Variants in COL23A1 observed in about 807,000 individuals in gnomAD.
COL23A1 encodes the protein collagen type XXIII alpha 1 chain, also known as collagen alpha-1(XXIII) chain.
COL23A1 carries 97 observed loss-of-function variants against 99.3 expected under a neutral mutation model. That is an observed-to-expected ratio of 0.98 (90% CI 0.83 to 1.16). The LOEUF (loss-of-function observed/expected upper bound fraction) is 1.16, where lower values mean the gene tolerates loss of function less well. COL23A1 is among the 50% of genes most tolerant of loss of function. COL23A1 has a pLI of 0.00. For synonymous variants in COL23A1, 320 were observed against 308.2 expected (o/e 1.04, Z -0.40); for missense variants, 762 against 757.4 (o/e 1.01, Z -0.07).
rs986660752 is a variant in COL23A1 at position 178,340,618 on chromosome 5, C to A, written c.362-33699G>T. On this transcript the variant is annotated intron_variant, in intron 2 of 28. Coordinates refer to ENST00000390654, the MANE Select transcript of COL23A1 (RefSeq NM_173465.4). The surrounding 1 kb of genome is among the most constrained non-coding windows in gnomAD (Gnocchi z 4.7). ...TGGCCTGAAGTTCTCTCAGGAGAAG[C>A]TGATGGTCCCAGAGCACACAGGGAA... 6.6e-5 allele frequency among the ~76,000 whole-genome samples: 10 copies of A among 152,218 alleles called. No individual in the cohort carries two copies. The highest frequency in any genetic ancestry group is 1.2e-4 in the Non-Finnish European group (8 of 68,040).
chr5:178,432,303 G>C (rs73336661), intron 2 of COL23A1, among the ~76,000 whole-genome samples: 1 of 152,200 alleles, frequency 6.6e-6, no homozygotes, highest in Admixed American at 6.5e-5. Flanking sequence ...CAGACGGCTC[G>C]TTACACAGGT....
chr5:178,251,468 T>G (rs149481292), intron 17 of COL23A1, among the ~76,000 whole-genome samples: 12 of 152,320 alleles, frequency 7.9e-5, no homozygotes, highest in African/African-American at 2.9e-4. Context: ...AATCCATGAA[T>G]AAATCAAAAG....
intron 19 of COL23A1, among the ~76,000 whole-genome samples, chr5:178,248,517 G>A (rs1204265016): frequency 2.6e-5 from 4 of 152,308 alleles, no homozygotes; most frequent in Non-Finnish European, 5.9e-5. Flanking sequence ...CAAAGACCCC[G>A]GGGTCAAACC....
chr5:178,468,300 G>C lies in COL23A1; in HGVS notation c.361+92382C>G, dbSNP rs984642673. ...GAAGATCGGGAAGGTCTAAATCCAAGCTCATTAATAGGCCAGAGGGTGAGA... is the reference window on the plus strand; with the variant it reads ...GAAGATCGGGAAGGTCTAAATCCAACCTCATTAATAGGCCAGAGGGTGAGA... On this transcript the variant is annotated intron_variant, in intron 2 of 28. Transcript: ENST00000390654. The surrounding 1 kb of genome is among the most constrained non-coding windows in gnomAD (Gnocchi z 4.2). Among the ~76,000 whole-genome samples, 23 of 151,936 alleles carry C rather than the reference G, an allele frequency of 1.5e-4. No homozygotes were observed. The highest frequency in any genetic ancestry group is 5.6e-4 in the African/African-American group (23 of 41,302).
chr5:178,456,509 A>G (rs1285206559), intron 2 of COL23A1, among the ~76,000 whole-genome samples: 1 of 152,082 alleles, frequency 6.6e-6, no homozygotes, highest in African/African-American at 2.4e-5. Context: ...GACCAGCCTG[A>G]CCAACATGCA....
intron 2 of COL23A1, among the ~76,000 whole-genome samples, chr5:178,353,273 A>G (rs956984864): frequency 2.0e-5 from 3 of 152,200 alleles, no homozygotes; most frequent in African/African-American, 4.8e-5. Context: ...AAAAGCTATA[A>G]ATTTCTTTTA....
chr5:178,500,551 G>C (rs1213042043), intron 2 of COL23A1, among the ~76,000 whole-genome samples: 5 of 150,884 alleles, frequency 3.3e-5, no homozygotes, highest in Non-Finnish European at 7.4e-5. Context: ...GTAGTAGTGA[G>C]CCATGATTGC....
chr5:178,387,929 A>T lies in COL23A1; in HGVS notation c.362-81010T>A, dbSNP rs1205596297. Among the ~76,000 whole-genome samples, 1 of 152,130 alleles carries T rather than the reference A, an allele frequency of 6.6e-6. No individual in the cohort carries two copies. The highest frequency in any genetic ancestry group is 2.4e-5 in the African/African-American group (1 of 41,408). ...GTGGCAGCTGTGGTGGCACTGCAAG[A>T]ACTGCCAGTGAAGGACAGAAATGGG... is the stretch of plus-strand genomic sequence containing the variant. On this transcript the variant is annotated intron_variant, in intron 2 of 28. Coordinates refer to ENST00000390654, the MANE Select transcript of COL23A1 (RefSeq NM_173465.4). The surrounding 1 kb of genome is among the most constrained non-coding windows in gnomAD (Gnocchi z 4.7).
intron 2 of COL23A1, among the ~76,000 whole-genome samples, chr5:178,404,934 T>A (rs1764673898): frequency 6.6e-6 from 1 of 152,248 alleles, no homozygotes. Context: ...GATTTTGCTT[T>A]AACTTATAAT....
chr5:178,481,454 A>G (rs1004054505), intron 2 of COL23A1, among the ~76,000 whole-genome samples: 2 of 152,190 alleles, frequency 1.3e-5, no homozygotes, highest in Non-Finnish European at 2.9e-5. Flanking sequence ...AGAATTTGCA[A>G]GTCATATATC....
chr5:178,371,824 G>A (rs1762815712), intron 2 of COL23A1, among the ~76,000 whole-genome samples: 1 of 152,220 alleles, frequency 6.6e-6, no homozygotes, highest in Admixed American at 6.5e-5. Context: ...TGAATCTGAG[G>A]GCGGAAATGT....
chr5:178,562,052 T>C (rs1762588168), intron 1 of COL23A1: 1 of 531,872 alleles, frequency 1.9e-6, no homozygotes, highest in South Asian at 1.5e-5. Context: ...CTGGAGTTGG[T>C]TCCTGCCGGT....
At position 178,560,752 on chromosome 5, in the gene COL23A1, A is replaced by G; in HGVS notation, c.295-4T>C. On this transcript the variant is annotated splice_region_variant and splice_polypyrimidine_tract_variant and intron_variant, in intron 1 of 28. Transcript: ENST00000390654. ...TCTTCGCTAGTCCGTCCAACTTCTG[A>G]GCCGGAAAAAAAAAAAGAAAAAAAA... The G allele has an allele frequency of 6.2e-7, 1 of 1,603,920 alleles. No individual in the cohort carries two copies. Among genetic ancestry groups the G allele is most frequent in the Non-Finnish European group, 8.5e-7 (1 of 1,176,008 alleles).
At chr5:178,538,416 T>A (rs986130008) in intron 2 of COL23A1, among the ~76,000 whole-genome samples, 1 of 152,250 alleles carries the variant, frequency 6.6e-6, no homozygotes, top group Non-Finnish European at 1.5e-5. Flanking sequence ...TAAAAGTACT[T>A]GCCCATTTTA....
At chr5:178,583,047 C>T (rs1763743500) in intron 1 of COL23A1, among the ~76,000 whole-genome samples, 1 of 152,244 alleles carries the variant, frequency 6.6e-6, no homozygotes, top group South Asian at 2.1e-4. Context: ...ACATTTCTCC[C>T]CCTGTAAAAC....
At chr5:178,578,114 C>T (rs1562107391) in intron 1 of COL23A1, among the ~76,000 whole-genome samples, 1 of 145,960 alleles carries the variant, frequency 6.9e-6, no homozygotes, top group African/African-American at 2.7e-5. Context: ...CACATGCACA[C>T]ATTCATGCAC....
At chr5:178,584,285 C>G (rs1763807925) in intron 1 of COL23A1, among the ~76,000 whole-genome samples, 1 of 150,556 alleles carries the variant, frequency 6.6e-6, no homozygotes, top group Non-Finnish European at 1.5e-5. Flanking sequence ...GCTGGGATTA[C>G]AGGTGTGAGC....
At position 178,307,996 on chromosome 5, in the gene COL23A1, T is replaced by C. The variant is rs1462687181; in HGVS notation, c.362-1077A>G. Among the ~76,000 whole-genome samples, 1 of 151,636 alleles carries C rather than the reference T, an allele frequency of 6.6e-6. No homozygotes were observed. The highest frequency in any genetic ancestry group is 1.5e-5 in the Non-Finnish European group (1 of 67,962). On this transcript the variant is annotated intron_variant, in intron 2 of 28. Transcript: ENST00000390654. The surrounding 1 kb of genome is among the most constrained non-coding windows in gnomAD (Gnocchi z 4.2). Reference sequence around the variant, plus strand: ...TCGCGTCTGTGGCAGGATGGAAAAATGAGTGTGGGTGTCTGTGTGTGTCTG... The same window carrying C: ...TCGCGTCTGTGGCAGGATGGAAAAACGAGTGTGGGTGTCTGTGTGTGTCTG...
chr5:178,278,520 C>A (rs1581512421), intron 5 of COL23A1, among the ~76,000 whole-genome samples: 1 of 152,234 alleles, frequency 6.6e-6, no homozygotes, highest in Non-Finnish European at 1.5e-5. Flanking sequence ...CCAGGCCCTG[C>A]CGTTTTCTCT....
Sources: allele counts gnomAD v4.1 joint callset (sites outside exome capture counted in the v4.1 genomes callset), GRCh38; gene constraint gnomAD v4.1.1; non-coding constraint Gnocchi (gnomAD v3.1); transcripts MANE v1.5; gene names NCBI Gene and HGNC (gene_info 2026-07-23, HGNC 2026-07-21).